Variants in RFX2 observed in about 807,000 individuals in gnomAD.
RFX2 encodes the protein DNA-binding protein RFX2.
A neutral mutation model predicts 87.8 loss-of-function variants in RFX2; 20 were observed. The observed-to-expected ratio is 0.23, with a 90% CI of 0.16 to 0.33. RFX2 has a LOEUF of 0.33. Ranked by LOEUF, RFX2 falls within the 10% of genes least tolerant of loss-of-function variation. RFX2 has a pLI of 1.00. For missense variants in RFX2, 767 were observed against 1,012.3 expected, an observed-to-expected ratio of 0.76 and a Z score of 3.29; for synonymous variants, 397 against 431.3, an observed-to-expected ratio of 0.92 and a Z score of 0.98.
chr19:6,024,956 C>CGGGAGTCAGGACGGGATCACGGTGAGGAT lies in RFX2; in HGVS notation c.597+1206_597+1207insATCCTCACCGTGATCCCGTCCTGACTCCC, dbSNP rs2086867642. Among the ~76,000 whole-genome samples, 1 of 151,732 alleles carries CGGGAGTCAGGACGGGATCACGGTGAGGAT rather than the reference C, an allele frequency of 6.6e-6. No homozygotes were observed. The highest frequency in any genetic ancestry group is 2.4e-5 in the African/African-American group (1 of 41,340). ...AGTCAGGACGGGATCACGGTGAGGACGGGAGTCAGGACGGGATCACGGTGA... is the reference window on the plus strand; with the variant it reads ...AGTCAGGACGGGATCACGGTGAGGACGGGAGTCAGGACGGGATCACGGTGAGGATGGGAGTCAGGACGGGATCACGGTGA... On this transcript the variant is annotated intron_variant, in intron 6 of 17. Coordinates refer to ENST00000303657, the MANE Select transcript of RFX2 (RefSeq NM_000635.4). The surrounding 1 kb of genome is among the most constrained non-coding windows in gnomAD (Gnocchi z 5.0).
At chr19:6,103,148 A>G (rs1423555921) in intron 1 of RFX2, among the ~76,000 whole-genome samples, 2 of 152,220 alleles carry the variant, frequency 1.3e-5, no homozygotes, top group Non-Finnish European at 1.5e-5. Flanking sequence ...TAAGTTCTAC[A>G]TATTTTTAAT....
intron 1 of RFX2, among the ~76,000 whole-genome samples, chr19:6,094,337 A>G (rs2087991164): frequency 6.6e-6 from 1 of 152,184 alleles, no homozygotes; most frequent in Admixed American, 6.5e-5. Context: ...ACAGGATCCC[A>G]AAGTCCTGAA....
At chr19:6,095,665 G>A (rs189062472) in intron 1 of RFX2, among the ~76,000 whole-genome samples, 11 of 152,152 alleles carry the variant, frequency 7.2e-5, no homozygotes, top group African/African-American at 2.4e-4. Context: ...GGTGGAGCTC[G>A]GGGAATAAAG....
chr19:6,054,674 T>C (rs2087309199), intron 1 of RFX2, among the ~76,000 whole-genome samples: 1 of 152,048 alleles, frequency 6.6e-6, no homozygotes, highest in South Asian at 2.1e-4. Context: ...AATATCCATA[T>C]TGGGGAAAAT....
At chr19:6,042,545 CTG>C (rs2087126522) in intron 3 of RFX2, among the ~76,000 whole-genome samples, 1 of 152,068 alleles carries the variant, frequency 6.6e-6, no homozygotes, top group African/African-American at 2.4e-5. Flanking sequence ...GGGTCTCCCT[CTG>C]TAGCTCAAGC....
rs1029710817 is a variant in RFX2, at chr19:6,001,416, C to T, written c.1859+399G>A. Among the ~76,000 whole-genome samples, 1 of 152,310 alleles carries T rather than the reference C, an allele frequency of 6.6e-6. No homozygotes were observed. Among genetic ancestry groups the T allele is most frequent in the East Asian group, 1.9e-4 (1 of 5,176 alleles). ...ATCTGGGACCACAGGCACATGCCAC[C>T]ACGTCCAGCTAAGTTTTTTTACTTT... On this transcript the variant is annotated intron_variant, in intron 15 of 17. Transcript: ENST00000303657. This position sits in a 1 kb window ranked among gnomAD's most constrained non-coding sequence, Gnocchi z 5.6.
At chr19:6,090,692 C>A (rs549079790) in intron 1 of RFX2, among the ~76,000 whole-genome samples, 1 of 152,280 alleles carries the variant, frequency 6.6e-6, no homozygotes, top group Admixed American at 6.5e-5. Flanking sequence ...AGCTATATGT[C>A]CAGGCAAAAG....
At position 6,064,070 on chromosome 19, in the gene RFX2, C is replaced by T. The variant is rs532199770; in HGVS notation, c.-8-16566G>A. On this transcript the variant is annotated intron_variant, in intron 1 of 17. Transcript: ENST00000303657. This position sits in a 1 kb window ranked among gnomAD's most constrained non-coding sequence, Gnocchi z 4.8. Reference sequence around the variant, plus strand: ...AACAAAGTCTGGATCTATGTCATCTCAGCAGCCCCCTCACAGATCCCTCAC... The same window carrying T: ...AACAAAGTCTGGATCTATGTCATCTTAGCAGCCCCCTCACAGATCCCTCAC... Among the ~76,000 whole-genome samples the T allele has an allele frequency of 2.4e-4, 37 of 152,360 alleles. No individual in the cohort carries two copies. The highest frequency in any genetic ancestry group is 8.7e-4 in the African/African-American group (36 of 41,592).
chr19:6,010,971 C>T lies in RFX2; in HGVS notation c.900-720G>A, dbSNP rs192192208. 6.6e-6 allele frequency among the ~76,000 whole-genome samples: 1 copy of T among 151,964 alleles called. No individual in the cohort carries two copies. The highest frequency in any genetic ancestry group is 1.5e-5 in the Non-Finnish European group (1 of 68,000). On this transcript the variant is annotated intron_variant, in intron 8 of 17. Transcript: ENST00000303657. The surrounding 1 kb of genome is among the most constrained non-coding windows in gnomAD (Gnocchi z 5.0). ...GTCTCTACTAAAAATACAAAATTAG[C>T]TGGGCGTGGTGGCGCATGCCTTTAA...
At chr19:6,037,703 T>G (rs997235815) in intron 5 of RFX2, among the ~76,000 whole-genome samples, 1 of 152,306 alleles carries the variant, frequency 6.6e-6, no homozygotes, top group Admixed American at 6.5e-5. Flanking sequence ...ATATAAATAG[T>G]CAACGCAATA....
At chr19:6,081,072 A>G (rs1443631416) in intron 1 of RFX2, among the ~76,000 whole-genome samples, 2 of 152,012 alleles carry the variant, frequency 1.3e-5, no homozygotes, top group African/African-American at 2.4e-5. Context: ...TGCTAAGGGA[A>G]GCCCCAGGAG....
At chr19:6,018,738 C>A (rs1416071738) in intron 6 of RFX2, among the ~76,000 whole-genome samples, 1 of 152,214 alleles carries the variant, frequency 6.6e-6, no homozygotes, top group South Asian at 2.1e-4. Context: ...AGGAGCAAAG[C>A]GTAAGCCTCG....
At chr19:6,091,463 GGTGAATTGTAT>G (rs1416796654) in intron 1 of RFX2, among the ~76,000 whole-genome samples, 2 of 149,638 alleles carry the variant, frequency 1.3e-5, no homozygotes, top group East Asian at 1.9e-4. Context: ...AAAAAAAAAA[GGTGAATTGTAT>G]GTGAATTTTA....
At chr19:6,076,408 C>T (rs1161302131) in intron 1 of RFX2, among the ~76,000 whole-genome samples, 4 of 152,160 alleles carry the variant, frequency 2.6e-5, no homozygotes, top group African/African-American at 7.2e-5. Context: ...AACTACCTTA[C>T]GGTGCATCCT....
chr19:6,069,112 G>A lies in RFX2; in HGVS notation c.-8-21608C>T, dbSNP rs573100200. Among the ~76,000 whole-genome samples the A allele has an allele frequency of 3.9e-4, 60 of 152,334 alleles. No individual in the cohort carries two copies. The South Asian group carries it at 0.012, about 31-fold the overall frequency. ...AGCACTTGGGAGTTGAGTTCTGAAG[G>A]TGTAAAGTGTGAGAGGCTCCTAGAC... On this transcript the variant is annotated intron_variant, in intron 1 of 17. Transcript: ENST00000303657.
chr19:6,025,764 T>C (rs61344729), intron 6 of RFX2, among the ~76,000 whole-genome samples: 2 of 151,416 alleles, frequency 1.3e-5, no homozygotes, highest in Non-Finnish European at 2.9e-5. Context: ...ACTTTAAAGG[T>C]GTCATTTTAT....
At chr19:6,079,953 G>A (rs922910150) in intron 1 of RFX2, among the ~76,000 whole-genome samples, 5 of 148,882 alleles carry the variant, frequency 3.4e-5, no homozygotes, top group Non-Finnish European at 7.4e-5. Flanking sequence ...AGGCAAACAC[G>A]ACTGTATGTA....
chr19:6,089,077 C>T (rs1382502915), intron 1 of RFX2, among the ~76,000 whole-genome samples: 2 of 152,216 alleles, frequency 1.3e-5, no homozygotes, highest in African/African-American at 4.8e-5. Context: ...AGTTCATGGG[C>T]TGTACAAAAA....
Position 6,053,889 on chromosome 19 carries a change from G to A in RFX2, c.-8-6385C>T, listed in dbSNP as rs898649418. On this transcript the variant is annotated intron_variant, in intron 1 of 17. Coordinates refer to ENST00000303657, the MANE Select transcript of RFX2 (RefSeq NM_000635.4). ...GAGAATTGCTTGAACCAAGGAGGCA[G>A]AGGTTGCAGTGAGCTGAGATTGCAC... Among the ~76,000 whole-genome samples the A allele has an allele frequency of 2.0e-5, 3 of 148,154 alleles. No individual in the cohort carries two copies. In the South Asian group the frequency reaches 6.5e-4, roughly 32 times the overall value.
Sources: gnomAD v4.1 joint callset for allele counts (sites outside exome capture counted in the v4.1 genomes callset) on GRCh38, gnomAD v4.1.1 for gene constraint, Gnocchi (gnomAD v3.1) non-coding constraint, MANE v1.5 for transcripts, NCBI Gene and HGNC (gene_info 2026-07-23, HGNC 2026-07-21) for gene names.